Variants in DPY19L3 observed in about 807,000 individuals in gnomAD.
DPY19L3 encodes the protein dpy-19 like C-mannosyltransferase 3.
A neutral mutation model predicts 92.3 loss-of-function variants in DPY19L3; 51 were observed. The ratio of observed to expected loss-of-function variants is 0.55; its 90% confidence interval spans 0.44 to 0.70. DPY19L3 has a LOEUF of 0.70. Ranked by LOEUF, DPY19L3 falls within the 30% of genes least tolerant of loss-of-function variation. The pLI is 0.00. For synonymous variants in DPY19L3, 309 were observed against 315.2 expected (o/e 0.98, Z 0.21); for missense variants, 706 against 855.9 (o/e 0.82, Z 2.18).
At chr19:32,441,238 A>C (rs1376333994) in intron 8 of DPY19L3, among the ~76,000 whole-genome samples, 1 of 152,222 alleles carries the variant, frequency 6.6e-6, no homozygotes, top group Non-Finnish European at 1.5e-5. Context: ...GATAAAAAGA[A>C]ATAAAAAACT....
rs1970759977 is a variant in DPY19L3, at chr19:32,484,876, A to G, written c.*2636A>G. On this transcript the variant is annotated 3_prime_UTR_variant, in exon 19 of 19. Coordinates refer to ENST00000392250, the MANE Select transcript of DPY19L3 (RefSeq NM_001172774.2). The stretch of plus-strand genomic sequence containing the variant: ...AAGTGATAAAGGCTGAGTTGCCAAT[A>G]AAAGTTGCTTTTAAATTAGGTGTGG... 1 of 152,238 alleles carries G rather than the reference A, an allele frequency of 6.6e-6. No homozygotes were observed. Among genetic ancestry groups the G allele is most frequent in the African/African-American group, 2.4e-5 (1 of 41,466 alleles). The allele number at this position is 152,238 out of a possible 1,614,324, so 9.4% of individuals were successfully genotyped here.
At chr19:32,480,640 A>G in intron 18 of DPY19L3, 83 bp downstream of exon 18, 1 of 1,453,086 alleles carries the variant, frequency 6.9e-7, no homozygotes, top group Non-Finnish European at 9.2e-7. Flanking sequence ...GAATCTTTTT[A>G]TCCTTAATGT....
chr19:32,435,229 C>T, intron 4 of DPY19L3, among the ~76,000 whole-genome samples: 1 of 152,178 alleles, frequency 6.6e-6, no homozygotes, highest in East Asian at 1.9e-4. Flanking sequence ...CAGATTAAGA[C>T]CCCACCCATG....
chr19:32,475,599 A>C (rs1243215385), intron 16 of DPY19L3, among the ~76,000 whole-genome samples: 1 of 152,256 alleles, frequency 6.6e-6, no homozygotes, highest in Non-Finnish European at 1.5e-5. Flanking sequence ...TTCCTTTAGC[A>C]ATTACACTCT....
intron 4 of DPY19L3, among the ~76,000 whole-genome samples, chr19:32,433,622 T>C (rs1969042234): frequency 6.6e-6 from 1 of 152,056 alleles, no homozygotes; most frequent in African/African-American, 2.4e-5. Context: ...GAAGTCTCAC[T>C]GTGTTGCCCA....
intron 3 of DPY19L3, among the ~76,000 whole-genome samples, chr19:32,426,794 A>G (rs1239534194): frequency 1.3e-5 from 2 of 152,242 alleles, no homozygotes; most frequent in Non-Finnish European, 2.9e-5. Context: ...AAGAATTACT[A>G]AAATGTGACA....
chr19:32,437,682 A>G (rs1427973397), intron 6 of DPY19L3, among the ~76,000 whole-genome samples: 1 of 152,098 alleles, frequency 6.6e-6, no homozygotes, highest in Non-Finnish European at 1.5e-5. Context: ...ATAATTATAC[A>G]TATTCATGGG....
intron 3 of DPY19L3, among the ~76,000 whole-genome samples, chr19:32,423,036 T>A (rs1184591525): frequency 6.6e-6 from 1 of 152,170 alleles, no homozygotes; most frequent in African/African-American, 2.4e-5. Flanking sequence ...AAATATGTAC[T>A]TTTAAGAATA....
chr19:32,445,456 A>AAAAAAAAAAAC (rs1969466267), intron 8 of DPY19L3, among the ~76,000 whole-genome samples: 1 of 149,376 alleles, frequency 6.7e-6, no homozygotes, highest in African/African-American at 2.5e-5. Flanking sequence ...AAAAAAAAAA[A>AAAAAAAAAAAC]AAAAACCATC....
intron 16 of DPY19L3, among the ~76,000 whole-genome samples, chr19:32,470,208 A>T (rs752265554): frequency 1.2e-4 from 18 of 152,352 alleles, no homozygotes; most frequent in Non-Finnish European, 2.6e-4. Flanking sequence ...ATTTAATTTT[A>T]AATCATGCCA....
intron 17 of DPY19L3, among the ~76,000 whole-genome samples, chr19:32,479,848 T>G (rs10413150): frequency 6.6e-6 from 1 of 152,078 alleles, no homozygotes; most frequent in Non-Finnish European, 1.5e-5. Flanking sequence ...AGAGGAGCAG[T>G]GGGGTCTCTC....
chr19:32,469,499 AAAAAAAAAAAG>A (rs1224655769), intron 16 of DPY19L3, among the ~76,000 whole-genome samples: 1 of 151,912 alleles, frequency 6.6e-6, no homozygotes, highest in Non-Finnish European at 1.5e-5. Flanking sequence ...CTCTCTAAAA[AAAAAAAAAAAG>A]AAAGAAAAAA....
At chr19:32,432,472 C>T (rs1293869721) in intron 3 of DPY19L3, among the ~76,000 whole-genome samples, 1 of 151,728 alleles carries the variant, frequency 6.6e-6, no homozygotes, top group Non-Finnish European at 1.5e-5. Flanking sequence ...GTGATGTATT[C>T]TTTAAAATTT....
At chr19:32,414,112 G>A (rs1348154263) in intron 3 of DPY19L3, among the ~76,000 whole-genome samples, 3 of 151,958 alleles carry the variant, frequency 2.0e-5, no homozygotes, top group Non-Finnish European at 2.9e-5. Flanking sequence ...GTGAAACCCC[G>A]TCTCTACTAA....
intron 15 of DPY19L3, chr19:32,468,387 C>G (rs1296773485): frequency 9.8e-7 from 1 of 1,017,790 alleles, no homozygotes; most frequent in Non-Finnish European, 1.2e-6. Flanking sequence ...TGTGAACTTT[C>G]TCATGGTTGG....
intron 3 of DPY19L3, among the ~76,000 whole-genome samples, chr19:32,430,497 A>G (rs757556993): frequency 1.3e-5 from 2 of 152,132 alleles, no homozygotes; most frequent in Non-Finnish European, 2.9e-5. Context: ...TTGCTACCCT[A>G]CCTCCCATTT....
intron 12 of DPY19L3, among the ~76,000 whole-genome samples, chr19:32,459,603 A>T (rs1169535361): frequency 1.3e-5 from 2 of 152,204 alleles, no homozygotes; most frequent in Non-Finnish European, 2.9e-5. Context: ...GGACAGTGTG[A>T]TTTAATATCA....
At chr19:32,468,966 GA>G (rs1325065606) in intron 16 of DPY19L3, 153 bp downstream of exon 16, 3 of 606,380 alleles carry the variant, frequency 4.9e-6, no homozygotes, top group Non-Finnish European at 7.7e-6. Flanking sequence ...CTCCATATTT[GA>G]AAATAATGTC....
At chr19:32,453,300 A>C (rs1043054946) in intron 9 of DPY19L3, 24 bp downstream of exon 9, 1 of 1,581,282 alleles carries the variant, frequency 6.3e-7, no homozygotes, top group African/African-American at 1.4e-5. Flanking sequence ...TTTGTCCTTT[A>C]TCAAAGTAAA....
Sources: gnomAD v4.1 joint callset for allele counts (sites outside exome capture counted in the v4.1 genomes callset) on GRCh38, gnomAD v4.1.1 for gene constraint, MANE v1.5 for transcripts, NCBI Gene and HGNC (gene_info 2026-07-23, HGNC 2026-07-21) for gene names.